Variants in SMIM45 observed in about 807,000 individuals in gnomAD.
The protein encoded by SMIM45 is long intergenic non-protein coding RNA 634.
At chr22:41,958,660 G>A in the SMIM45 span, 81 of 271,370 alleles carry the variant, frequency 3.0e-4, no homozygotes, top group African/African-American at 1.8e-3. Flanking sequence ...CCCTCCCTCT[G>A]CTGGAGTTTC....
chr22:41,951,903 G>A, the SMIM45 span, among the ~76,000 whole-genome samples: 1 of 152,236 alleles, frequency 6.6e-6, no homozygotes, highest in South Asian at 2.1e-4. Context: ...TATCAGCCAC[G>A]GTCCTCTCCT....
At chr22:41,947,012 G>A in the SMIM45 span, 2 of 1,612,502 alleles carry the variant, frequency 1.2e-6, no homozygotes, top group African/African-American at 2.7e-5. Flanking sequence ...AGGGCCGCCT[G>A]CACCTACCAA....
the SMIM45 span, among the ~76,000 whole-genome samples, chr22:41,951,505 GA>G: frequency 6.6e-6 from 1 of 152,184 alleles, no homozygotes; most frequent in African/African-American, 2.4e-5. Context: ...CCAGCTGGAA[GA>G]TGGGAGTGCT....
At chr22:41,949,917 C>A in the SMIM45 span, among the ~76,000 whole-genome samples, 270 of 152,188 alleles carry the variant, frequency 1.8e-3, no homozygotes, top group African/African-American at 6.1e-3. Context: ...CAGATAGAGG[C>A]CTGGAGGTTC....
At chr22:41,947,506 T>C in the SMIM45 span, among the ~76,000 whole-genome samples, 1 of 151,860 alleles carries the variant, frequency 6.6e-6, no homozygotes, top group Non-Finnish European at 1.5e-5. Flanking sequence ...GAGCTGGGAC[T>C]ACGGGCGCGC....
chr22:41,949,597 T>C, the SMIM45 span, among the ~76,000 whole-genome samples: 1 of 152,290 alleles, frequency 6.6e-6, no homozygotes, highest in African/African-American at 2.4e-5. Flanking sequence ...CTTTGGACTC[T>C]GGTGGGGACT....
At chr22:41,953,982 T>C in the SMIM45 span, among the ~76,000 whole-genome samples, 9 of 129,780 alleles carry the variant, frequency 6.9e-5, no homozygotes, top group African/African-American at 3.1e-4. Context: ...GATCTCCTGA[T>C]CAAGTCTCAA....
chr22:41,958,116 C>T, the SMIM45 span: 58 of 338,190 alleles, frequency 1.7e-4, no homozygotes, highest in African/African-American at 1.3e-3. Context: ...CCGTGTCAAG[C>T]CGACTCACCC....
At chr22:41,955,369 G>C in the SMIM45 span, among the ~76,000 whole-genome samples, 8 of 151,964 alleles carry the variant, frequency 5.3e-5, no homozygotes, top group Admixed American at 5.2e-4. Flanking sequence ...AGTAGAGACA[G>C]GGTTTCACCA....
chr22:41,948,551 C>A, the SMIM45 span, among the ~76,000 whole-genome samples: 1 of 152,248 alleles, frequency 6.6e-6, no homozygotes, highest in East Asian at 1.9e-4. Context: ...AGCACAGATA[C>A]GGCTTTCATT....
At chr22:41,947,332 T>G in the SMIM45 span, among the ~76,000 whole-genome samples, 3 of 152,084 alleles carry the variant, frequency 2.0e-5, no homozygotes, top group Non-Finnish European at 4.4e-5. Flanking sequence ...GTGATTCCTT[T>G]GTTCACTTTC....
At chr22:41,948,949 C>A in the SMIM45 span, among the ~76,000 whole-genome samples, 1 of 152,126 alleles carries the variant, frequency 6.6e-6, no homozygotes, top group Admixed American at 6.6e-5. Flanking sequence ...CCTGTAATCC[C>A]AGCTACTTGG....
the SMIM45 span, chr22:41,947,104 T>TGC: frequency 6.2e-7 from 1 of 1,610,744 alleles, no homozygotes; most frequent in Admixed American, 1.7e-5. Flanking sequence ...CCGTTGCTCC[T>TGC]GCGGTGCGCG....
chr22:41,949,770 G>A, the SMIM45 span, among the ~76,000 whole-genome samples: 6 of 152,250 alleles, frequency 3.9e-5, no homozygotes, highest in African/African-American at 1.2e-4. Context: ...GCCAGGAGCA[G>A]CAGGAACCCA....
the SMIM45 span, among the ~76,000 whole-genome samples, chr22:41,953,546 G>A: frequency 6.6e-6 from 1 of 152,182 alleles, no homozygotes; most frequent in African/African-American, 2.4e-5. Flanking sequence ...TCTGTAAAAT[G>A]TGGATAGTGA....
At chr22:41,953,494 C>A in the SMIM45 span, among the ~76,000 whole-genome samples, 1 of 152,174 alleles carries the variant, frequency 6.6e-6, no homozygotes, top group Non-Finnish European at 1.5e-5. Flanking sequence ...GTTGGGTAAG[C>A]CAAGGCAAGT....
the SMIM45 span, among the ~76,000 whole-genome samples, chr22:41,954,325 G>T: frequency 6.7e-6 from 1 of 149,168 alleles, no homozygotes; most frequent in African/African-American, 2.5e-5. Flanking sequence ...TCCTGCCTCA[G>T]CCTGTTGAGT....
chr22:41,953,168 T>C, the SMIM45 span, among the ~76,000 whole-genome samples: 1 of 152,116 alleles, frequency 6.6e-6, no homozygotes, highest in Non-Finnish European at 1.5e-5. Flanking sequence ...TGAGGACCTT[T>C]GGGGTAGGAG....
the SMIM45 span, among the ~76,000 whole-genome samples, chr22:41,954,438 C>T: frequency 3.9e-5 from 6 of 152,110 alleles, no homozygotes; most frequent in Non-Finnish European, 8.8e-5. Context: ...AACTCCTGGC[C>T]TCAAGTGATC....
Sources: gnomAD v4.1 joint callset for allele counts (sites outside exome capture counted in the v4.1 genomes callset) on GRCh38, gnomAD v4.1.1 for gene constraint, MANE v1.5 for transcripts, NCBI Gene and HGNC (gene_info 2026-07-23, HGNC 2026-07-21) for gene names.